Variants in SPOCK3 observed in about 807,000 individuals in gnomAD.
SPOCK3 encodes SPARC (osteonectin), cwcv and kazal like domains proteoglycan 3, also known as testican-3.
A neutral mutation model predicts 56.6 loss-of-function variants in SPOCK3; 30 were observed. The ratio of observed to expected loss-of-function variants is 0.53; its 90% CI spans 0.40 to 0.72. The LOEUF is 0.72. Ranked by LOEUF, SPOCK3 falls within the 30% of genes least tolerant of loss-of-function variation. The pLI is 0.00. For synonymous variants in SPOCK3, 196 were observed against 183.3 expected (o/e 1.07, Z -0.56); for missense variants, 527 against 530.0 (o/e 0.99, Z 0.06).
At chr4:166,992,924 G>A (rs965394725) in intron 4 of SPOCK3, among the ~76,000 whole-genome samples, 3 of 152,098 alleles carry the variant, frequency 2.0e-5, no homozygotes, top group African/African-American at 7.2e-5. Flanking sequence ...TCTGTTCACT[G>A]TTCACATTAC....
chr4:167,206,720 T>A (rs930934569), intron 2 of SPOCK3, among the ~76,000 whole-genome samples: 2 of 152,076 alleles, frequency 1.3e-5, no homozygotes, highest in Non-Finnish European at 2.9e-5. Context: ...ATACCAATTT[T>A]TTTTTCTTTT....
intron 4 of SPOCK3, among the ~76,000 whole-genome samples, chr4:166,937,675 A>G (rs890721578): frequency 6.7e-6 from 1 of 149,820 alleles, no homozygotes; most frequent in African/African-American, 2.4e-5. Context: ...AGATAATTGG[A>G]GTTTTGATTA....
intron 7 of SPOCK3, among the ~76,000 whole-genome samples, chr4:166,787,432 T>G (rs977016629): frequency 5.9e-5 from 9 of 152,174 alleles, no homozygotes; most frequent in African/African-American, 2.2e-4. Context: ...AAATAGAGAT[T>G]GCTGTTAGAA....
In SPOCK3 at chr4:166,751,113, C is replaced by T. The variant is rs116830316; in HGVS notation, c.931+3395G>A. 3.3e-3 allele frequency among the ~76,000 whole-genome samples: 496 copies of T among 152,240 alleles called. 3 individuals are homozygous for T. The highest frequency in any genetic ancestry group is 0.011 in the African/African-American group (455 of 41,546). On this transcript the variant is annotated intron_variant, in intron 8 of 10. Transcript: ENST00000357545. ...TCTCCATACGTTATTGGTCACGTAG[C>T]CTCTCATAGAATGGTTATACTTTTA...
chr4:166,780,829 T>C (rs548552458), intron 7 of SPOCK3, among the ~76,000 whole-genome samples: 1 of 152,246 alleles, frequency 6.6e-6, no homozygotes, highest in South Asian at 2.1e-4. Flanking sequence ...GCCAACCTTC[T>C]ATCAATGGTG....
At chr4:167,136,034 TTC>T (rs1763093067) in intron 2 of SPOCK3, among the ~76,000 whole-genome samples, 1 of 151,940 alleles carries the variant, frequency 6.6e-6, no homozygotes, top group East Asian at 1.9e-4. Context: ...TATGCTTATT[TTC>T]ATTTTTTTTT....
At chr4:166,989,592 G>A (rs1747549896) in intron 4 of SPOCK3, among the ~76,000 whole-genome samples, 1 of 152,066 alleles carries the variant, frequency 6.6e-6, no homozygotes, top group African/African-American at 2.4e-5. Flanking sequence ...TCCACAGCTA[G>A]TCCCCAGGAG....
At chr4:167,037,494 G>GAA (rs34198420) in intron 3 of SPOCK3, among the ~76,000 whole-genome samples, 5,471 of 141,714 alleles carry the variant, frequency 0.039, 156 homozygotes, top group Middle Eastern at 0.074. Flanking sequence ...AAAAGAAGAA[G>GAA]AAAAAAAAAA....
chr4:167,147,805 G>C (rs1025007727), intron 2 of SPOCK3, among the ~76,000 whole-genome samples: 1 of 152,028 alleles, frequency 6.6e-6, no homozygotes, highest in Admixed American at 6.6e-5. Context: ...ACCAGGGCCC[G>C]TCCGGAGGGT....
At chr4:166,781,298 T>G (rs1180983360) in intron 7 of SPOCK3, among the ~76,000 whole-genome samples, 3 of 151,986 alleles carry the variant, frequency 2.0e-5, no homozygotes, top group Non-Finnish European at 4.4e-5. Flanking sequence ...GATTAATAAG[T>G]TAAAGGCTGT....
At chr4:166,766,880 T>G (rs879380715) in intron 7 of SPOCK3, among the ~76,000 whole-genome samples, 2 of 152,332 alleles carry the variant, frequency 1.3e-5, no homozygotes, top group African/African-American at 4.8e-5. Flanking sequence ...GTTATTGGTC[T>G]ATTCAGGGAT....
intron 4 of SPOCK3, among the ~76,000 whole-genome samples, chr4:166,987,911 T>C (rs1747341415): frequency 6.6e-6 from 1 of 152,078 alleles, no homozygotes; most frequent in South Asian, 2.1e-4. Flanking sequence ...TTGCTCAATA[T>C]GAATTAGAAG....
intron 4 of SPOCK3, among the ~76,000 whole-genome samples, chr4:166,963,595 T>C (rs908721175): frequency 6.6e-6 from 1 of 151,988 alleles, no homozygotes; most frequent in African/African-American, 2.4e-5. Context: ...TGATACTGAA[T>C]AGGCAAGATT....
intron 2 of SPOCK3, among the ~76,000 whole-genome samples, chr4:167,124,955 T>G (rs1217030048): frequency 1.3e-5 from 2 of 152,184 alleles, no homozygotes; most frequent in Non-Finnish European, 2.9e-5. Context: ...CGGCCCAATA[T>G]CTGCATGGCT....
intron 3 of SPOCK3, among the ~76,000 whole-genome samples, chr4:167,037,481 CA>C (rs1180836355): frequency 2.0e-5 from 2 of 98,746 alleles, no homozygotes; most frequent in Non-Finnish European, 4.2e-5. Context: ...GACTTCATCT[CA>C]AAAAAGAAGA....
chr4:167,071,588 G>T (rs942472026), intron 2 of SPOCK3, among the ~76,000 whole-genome samples: 1 of 151,928 alleles, frequency 6.6e-6, no homozygotes, highest in Non-Finnish European at 1.5e-5. Context: ...TTTTATGGCT[G>T]CATAGTATTC....
chr4:166,843,156 C>T lies in SPOCK3; in HGVS notation c.589+45974G>A, dbSNP rs544162227. On this transcript the variant is annotated intron_variant, in intron 6 of 10. Coordinates refer to ENST00000357545, the MANE Select transcript of SPOCK3 (RefSeq NM_001040159.2). ...TGCCCACCCAGAACAAGCACTGGCC[C>T]GCGAGTTCCTCTCCCTCCACACCCC... Among the ~76,000 whole-genome samples the T allele has an allele frequency of 1.6e-4, 24 of 152,262 alleles. No homozygotes were observed. The East Asian group carries it at 2.5e-3, about 16-fold the overall frequency.
At position 167,072,582 on chromosome 4, in the gene SPOCK3, T is replaced by C. The variant is rs35835656; in HGVS notation, c.190-10045A>G. Among the ~76,000 whole-genome samples, 1,441 of 152,116 alleles carry C rather than the reference T, an allele frequency of 9.5e-3. 18 individuals carry two copies. Among genetic ancestry groups the C allele is most frequent in the Non-Finnish European group, 0.016 (1,094 of 67,930 alleles). On this transcript the variant is annotated intron_variant, in intron 2 of 10. Transcript: ENST00000357545. ...TTTGTTGAGATGGAGAAGACATTTA[T>C]TGTTCTTAAAGAACATTAATTTTAA...
intron 6 of SPOCK3, among the ~76,000 whole-genome samples, chr4:166,862,417 G>A (rs1731330134): frequency 6.6e-6 from 1 of 151,982 alleles, no homozygotes; most frequent in Non-Finnish European, 1.5e-5. Flanking sequence ...TCAAATTCAT[G>A]GGCTCATACA....
Sources: allele counts gnomAD v4.1 joint callset (sites outside exome capture counted in the v4.1 genomes callset), GRCh38; gene constraint gnomAD v4.1.1; transcripts MANE v1.5; gene names NCBI Gene and HGNC (gene_info 2026-07-23, HGNC 2026-07-21).